The following PDGFD variants were observed in gnomAD, a reference collection of about 807,000 sequenced individuals.
PDGFD encodes the protein platelet-derived growth factor D.
Under a neutral mutation model 44.7 loss-of-function variants are expected in PDGFD, and 30 were observed. The ratio of observed to expected loss-of-function variants is 0.67; its 90% CI spans 0.50 to 0.91. The LOEUF (loss-of-function observed/expected upper bound fraction) is 0.91, where lower values mean the gene tolerates loss of function less well. PDGFD is among the 40% of genes least tolerant of loss of function. The pLI is 0.00. For synonymous variants in PDGFD, 173 were observed against 168.4 expected (o/e 1.03, Z -0.21); for missense variants, 445 against 457.8 (o/e 0.97, Z 0.25).
chr11:104,055,798 A>T (rs1188413691), intron 1 of PDGFD, among the ~76,000 whole-genome samples: 1 of 152,182 alleles, frequency 6.6e-6, no homozygotes. Flanking sequence ...GTACAAGCAT[A>T]ATGGAACCGT....
At chr11:104,074,567 A>G (rs1406425356) in intron 1 of PDGFD, among the ~76,000 whole-genome samples, 1 of 152,218 alleles carries the variant, frequency 6.6e-6, no homozygotes, top group East Asian at 1.9e-4. Flanking sequence ...ATTAGGAAGC[A>G]GTGTGGTACT....
intron 1 of PDGFD, chr11:104,038,795 C>T (rs1229032490): frequency 6.0e-6 from 1 of 166,902 alleles, no homozygotes; most frequent in Non-Finnish European, 1.5e-5. Context: ...TCAAGTTGTA[C>T]AGTGGTGGGA....
At chr11:104,039,483 TAA>T (rs1180006093) in intron 1 of PDGFD, among the ~76,000 whole-genome samples, 3 of 152,146 alleles carry the variant, frequency 2.0e-5, no homozygotes, top group Non-Finnish European at 2.9e-5. Context: ...TCAACCTTTC[TAA>T]AGAGAGTCAC....
chr11:103,949,925 C>A (rs996305013), intron 3 of PDGFD, among the ~76,000 whole-genome samples: 1 of 152,032 alleles, frequency 6.6e-6, no homozygotes, highest in Admixed American at 6.6e-5. Flanking sequence ...GAAAGCAATG[C>A]TTAGACAAGG....
intron 1 of PDGFD, among the ~76,000 whole-genome samples, chr11:104,044,839 C>A (rs1248807016): frequency 6.6e-6 from 1 of 152,094 alleles, no homozygotes; most frequent in Non-Finnish European, 1.5e-5. Context: ...AAGATGGAGA[C>A]CATCCTGGCT....
At chr11:104,074,852 G>A (rs1451046062) in intron 1 of PDGFD, among the ~76,000 whole-genome samples, 1 of 152,116 alleles carries the variant, frequency 6.6e-6, no homozygotes, top group African/African-American at 2.4e-5. Context: ...GTAGGTAGAT[G>A]GGGAAATTAT....
At position 103,909,605 on chromosome 11, in the gene PDGFD, T is replaced by A; in HGVS notation, c.*89A>T. 1 of 1,514,972 alleles carries A rather than the reference T, an allele frequency of 6.6e-7. No homozygotes were observed. The highest frequency in any genetic ancestry group is 9.1e-7 in the Non-Finnish European group (1 of 1,101,090). The allele number at this position is 1,514,972 out of a possible 1,614,324, so 93.8% of individuals were successfully genotyped here. Reference sequence around the variant, plus strand: ...CATTGCATTGCAGGCTAGTAGTAAGTTTGGTTGCTGGTAGGAAAAGGGTCT... The same window carrying A: ...CATTGCATTGCAGGCTAGTAGTAAGATTGGTTGCTGGTAGGAAAAGGGTCT... On this transcript the variant is annotated 3_prime_UTR_variant, in exon 7 of 7. Coordinates refer to ENST00000393158, the MANE Select transcript of PDGFD (RefSeq NM_025208.5).
intron 1 of PDGFD, among the ~76,000 whole-genome samples, chr11:104,091,043 C>T (rs1861205908): frequency 6.6e-6 from 1 of 152,144 alleles, no homozygotes; most frequent in African/African-American, 2.4e-5. Context: ...TCCCAAGGGC[C>T]TCTAAGCCAG....
At chr11:104,000,422 C>T (rs969180837) in intron 1 of PDGFD, among the ~76,000 whole-genome samples, 167 bp from the exon 2 acceptor site, 3 of 152,122 alleles carry the variant, frequency 2.0e-5, no homozygotes, top group Non-Finnish European at 4.4e-5. Flanking sequence ...ACACTGATGG[C>T]GTAGCAATCT....
chr11:104,100,539 G>A (rs1565334815), intron 1 of PDGFD, among the ~76,000 whole-genome samples: 1 of 151,936 alleles, frequency 6.6e-6, no homozygotes, highest in Non-Finnish European at 1.5e-5. Context: ...AGAGGTACAA[G>A]GAGCAGCTGG....
intron 1 of PDGFD, among the ~76,000 whole-genome samples, chr11:104,159,830 T>C (rs1862363741): frequency 6.6e-6 from 1 of 152,188 alleles, no homozygotes; most frequent in Non-Finnish European, 1.5e-5. Context: ...CACAACCTAG[T>C]AGCATCCTCC....
chr11:104,115,902 T>C (rs568057282), intron 1 of PDGFD, among the ~76,000 whole-genome samples: 1 of 152,092 alleles, frequency 6.6e-6, no homozygotes, highest in African/African-American at 2.4e-5. Context: ...TTTTTCTTGC[T>C]AATTTGTTTG....
chr11:103,993,196 T>A (rs1859485536), intron 3 of PDGFD, among the ~76,000 whole-genome samples: 1 of 151,658 alleles, frequency 6.6e-6, no homozygotes, highest in African/African-American at 2.4e-5. Context: ...GCCTCTGGAG[T>A]AGGTGAGGTT....
In PDGFD at chr11:103,978,050, A is replaced by T. The variant is rs1859209368; in HGVS notation, c.510+18015T>A. 2.0e-5 allele frequency among the ~76,000 whole-genome samples: 3 copies of T among 152,118 alleles called. 1 individual carries two copies. The South Asian group carries it at 6.2e-4, about 32-fold the overall frequency. ...TAGGATATGAGATTGCTGCAGCTTC[A>T]TCATCCGGCTCCATCATCATAAAGA... On this transcript the variant is annotated intron_variant, in intron 3 of 6. Coordinates refer to ENST00000393158, the MANE Select transcript of PDGFD (RefSeq NM_025208.5).
At chr11:104,130,795 A>G (rs1411921909) in intron 1 of PDGFD, among the ~76,000 whole-genome samples, 1 of 152,000 alleles carries the variant, frequency 6.6e-6, no homozygotes, top group Admixed American at 6.6e-5. Context: ...GCTATTACCT[A>G]TCACTTCATC....
intron 3 of PDGFD, among the ~76,000 whole-genome samples, chr11:103,950,912 T>C (rs1242445579): frequency 1.3e-5 from 2 of 152,324 alleles, no homozygotes; most frequent in East Asian, 3.9e-4. Context: ...GTGATTTCAG[T>C]TCATTTCCTT....
At chr11:104,150,935 C>T (rs1482961455) in intron 1 of PDGFD, among the ~76,000 whole-genome samples, 2 of 152,158 alleles carry the variant, frequency 1.3e-5, no homozygotes, top group Non-Finnish European at 2.9e-5. Context: ...CCATTGGGGT[C>T]ATTATTCAGC....
At chr11:104,037,495 G>A in intron 1 of PDGFD, 1 of 1,614,140 alleles carries the variant, frequency 6.2e-7, no homozygotes, top group Non-Finnish European at 8.5e-7. Context: ...AAACATTGAA[G>A]AAAACATGAA....
chr11:104,094,121 C>T (rs565491947), intron 1 of PDGFD, among the ~76,000 whole-genome samples: 1 of 60,222 alleles, frequency 1.7e-5, no homozygotes, highest in Admixed American at 2.5e-4. Context: ...CATGCTTTGC[C>T]TCTTAAACCA....
Sources: gnomAD v4.1 joint callset for allele counts (sites outside exome capture counted in the v4.1 genomes callset) on GRCh38, gnomAD v4.1.1 for gene constraint, MANE v1.5 for transcripts, NCBI Gene and HGNC (gene_info 2026-07-23, HGNC 2026-07-21) for gene names.